GARIN2: variants seen among roughly 807,000 people sequenced by gnomAD.
GARIN2 encodes golgi associated RAB2 interactor family member 2.
the GARIN2 span, among the ~76,000 whole-genome samples, chr14:67,217,740 A>G: frequency 2.0e-5 from 3 of 152,114 alleles, no homozygotes; most frequent in Non-Finnish European, 4.4e-5. Flanking sequence ...TTAAGAGTTT[A>G]ATCTTAAGAG....
At chr14:67,190,922 G>A in the GARIN2 span, among the ~76,000 whole-genome samples, 1 of 152,208 alleles carries the variant, frequency 6.6e-6, no homozygotes, top group East Asian at 1.9e-4. Flanking sequence ...TGAGTGACAG[G>A]TAAATGCTGT....
the GARIN2 span, chr14:67,222,079 CT>C: frequency 1.0e-5 from 4 of 390,122 alleles, no homozygotes; most frequent in African/African-American, 2.1e-5. Context: ...TCCCAGTTCC[CT>C]GTATCTAAAT....
the GARIN2 span, chr14:67,222,161 C>A: frequency 4.4e-6 from 1 of 228,716 alleles, no homozygotes; most frequent in Non-Finnish European, 8.4e-6. Flanking sequence ...TAGGACCTGC[C>A]ATCCTTGCTG....
At chr14:67,210,948 T>A in the GARIN2 span, among the ~76,000 whole-genome samples, 1 of 152,070 alleles carries the variant, frequency 6.6e-6, no homozygotes, top group African/African-American at 2.4e-5. Context: ...TGCAGTGAGC[T>A]GAGATTGCAC....
At chr14:67,209,562 G>A in the GARIN2 span, among the ~76,000 whole-genome samples, 1 of 152,156 alleles carries the variant, frequency 6.6e-6, no homozygotes, top group Non-Finnish European at 1.5e-5. Context: ...GCTCATGCCT[G>A]TAGTCCCAGC....
chr14:67,195,641 ATAT>A, the GARIN2 span, among the ~76,000 whole-genome samples: 1 of 152,198 alleles, frequency 6.6e-6, no homozygotes, highest in East Asian at 1.9e-4. Flanking sequence ...ATTATAAGAT[ATAT>A]TATTATTTTA....
chr14:67,218,669 A>T, the GARIN2 span, among the ~76,000 whole-genome samples: 1 of 152,120 alleles, frequency 6.6e-6, no homozygotes, highest in Admixed American at 6.5e-5. Flanking sequence ...GGCCAGAAAC[A>T]TATCTGTAGG....
chr14:67,204,928 GA>G, the GARIN2 span: 2 of 1,613,624 alleles, frequency 1.2e-6, no homozygotes, highest in Non-Finnish European at 1.7e-6. Context: ...AGATCTTCCA[GA>G]AAATGAGGTC....
chr14:67,226,618 C>A, the GARIN2 span, among the ~76,000 whole-genome samples: 2 of 151,752 alleles, frequency 1.3e-5, no homozygotes, highest in Non-Finnish European at 2.9e-5. Context: ...GCCTCAGCCT[C>A]CCAAAGTGCT....
the GARIN2 span, chr14:67,198,387 A>G: frequency 1.4e-6 from 2 of 1,432,362 alleles, no homozygotes; most frequent in Non-Finnish European, 1.9e-6. Context: ...GAAAACTGAA[A>G]AGGATGGTAG....
At chr14:67,199,530 C>G in the GARIN2 span, 3 of 1,611,398 alleles carry the variant, frequency 1.9e-6, no homozygotes. Context: ...GCTTCAGTTG[C>G]AGCAATTGAA....
chr14:67,193,879 A>C, the GARIN2 span, among the ~76,000 whole-genome samples: 1 of 148,518 alleles, frequency 6.7e-6, no homozygotes, highest in Non-Finnish European at 1.5e-5. Context: ...GGGGAGGTTG[A>C]GGCTGCAGTG....
chr14:67,197,610 C>T, the GARIN2 span, among the ~76,000 whole-genome samples: 14 of 152,096 alleles, frequency 9.2e-5, no homozygotes, highest in African/African-American at 1.4e-4. Context: ...ATAAGGAGCG[C>T]GCAACCAAGA....
chr14:67,224,838 G>A, the GARIN2 span: 2 of 298,756 alleles, frequency 6.7e-6, no homozygotes, highest in South Asian at 4.0e-5. Flanking sequence ...ATCCTAAGCA[G>A]CCAGGTTCAT....
the GARIN2 span, chr14:67,225,185 C>G: frequency 6.4e-7 from 1 of 1,570,818 alleles, no homozygotes; most frequent in Non-Finnish European, 8.6e-7. Context: ...CTGCCCCTTT[C>G]TCAAGGGAAT....
the GARIN2 span, among the ~76,000 whole-genome samples, chr14:67,227,180 G>A: frequency 3.9e-5 from 6 of 152,216 alleles, no homozygotes; most frequent in Admixed American, 2.6e-4. Flanking sequence ...GGTGGCTCAC[G>A]CCTGTAATCC....
chr14:67,225,965 G>A, the GARIN2 span, among the ~76,000 whole-genome samples: 7 of 112,576 alleles, frequency 6.2e-5, no homozygotes, highest in Non-Finnish European at 9.4e-5. Flanking sequence ...GTGTGTGTGC[G>A]CGCGCGCGCG....
chr14:67,200,055 G>A, the GARIN2 span: 11 of 934,508 alleles, frequency 1.2e-5, no homozygotes, highest in Non-Finnish European at 1.6e-5. Flanking sequence ...CTGGGGGACA[G>A]CCACCACCCC....
At chr14:67,212,702 C>G in the GARIN2 span, among the ~76,000 whole-genome samples, 4 of 133,566 alleles carry the variant, frequency 3.0e-5, no homozygotes, top group African/African-American at 1.1e-4. Context: ...ACAAAAATAT[C>G]TTATTCAACT....
Sources: gnomAD v4.1 joint callset for allele counts (sites outside exome capture counted in the v4.1 genomes callset) on GRCh38, gnomAD v4.1.1 for gene constraint, MANE v1.5 for transcripts, NCBI Gene and HGNC (gene_info 2026-07-23, HGNC 2026-07-21) for gene names.